SYN3: variants seen among roughly 807,000 people sequenced by gnomAD.
SYN3 encodes the protein synapsin-3.
Under a neutral mutation model 65.8 loss-of-function variants are expected in SYN3, and 35 were observed. That is an observed-to-expected ratio of 0.53 (90% CI 0.41 to 0.70). The LOEUF (loss-of-function observed/expected upper bound fraction) is 0.70, where lower values mean the gene tolerates loss of function less well. Among genes scored for constraint, SYN3 ranks in the 30% least tolerant of loss-of-function variants. SYN3 has a pLI of 0.00. For missense variants in SYN3, 680 were observed against 749.0 expected (o/e 0.91, Z 1.08); for synonymous variants, 270 against 292.9 (o/e 0.92, Z 0.80).
At chr22:32,806,271 G>A (rs766840684) in intron 6 of SYN3, among the ~76,000 whole-genome samples, 1 of 152,120 alleles carries the variant, frequency 6.6e-6, no homozygotes, top group Non-Finnish European at 1.5e-5. Context: ...CACAGTCCCT[G>A]GATAGATAAG....
At chr22:33,040,827 A>G (rs2053950713) in intron 1 of SYN3, among the ~76,000 whole-genome samples, 1 of 152,008 alleles carries the variant, frequency 6.6e-6, no homozygotes, top group African/African-American at 2.4e-5. Context: ...TTGCCCTTCC[A>G]CCATGATTGT....
chr22:32,781,667 A>ATAT (rs747351725), intron 6 of SYN3, among the ~76,000 whole-genome samples: 132 of 150,656 alleles, frequency 8.8e-4, no homozygotes, highest in Non-Finnish European at 1.6e-3. Context: ...GTGTTTGCTA[A>ATAT]TATTATTATT....
intron 7 of SYN3, among the ~76,000 whole-genome samples, chr22:32,555,163 G>GA (rs1390158306): frequency 2.0e-5 from 3 of 152,060 alleles, no homozygotes; most frequent in Non-Finnish European, 4.4e-5. Flanking sequence ...CTAGGCCGAG[G>GA]AAAAAAGGAG....
chr22:32,610,881 C>A (rs1166828793), intron 6 of SYN3, among the ~76,000 whole-genome samples: 1 of 152,210 alleles, frequency 6.6e-6, no homozygotes, highest in Non-Finnish European at 1.5e-5. Context: ...TGCGTCCAGC[C>A]ACTTTGTTTT....
chr22:32,602,672 G>C (rs2059302341), intron 6 of SYN3, among the ~76,000 whole-genome samples: 1 of 152,170 alleles, frequency 6.6e-6, no homozygotes, highest in Non-Finnish European at 1.5e-5. Context: ...ATGTTGGCCA[G>C]GATGGTCTTC....
chr22:32,992,904 C>T (rs1020311958), intron 2 of SYN3, among the ~76,000 whole-genome samples: 1 of 152,160 alleles, frequency 6.6e-6, no homozygotes, highest in Non-Finnish European at 1.5e-5. Flanking sequence ...CTCCGTGTGG[C>T]CTGTCCTGTA....
chr22:32,969,901 G>A (rs978438722), intron 3 of SYN3, among the ~76,000 whole-genome samples: 1 of 152,160 alleles, frequency 6.6e-6, no homozygotes, highest in African/African-American at 2.4e-5. Flanking sequence ...GTATATCAAT[G>A]GGAACTATGA....
At chr22:32,820,032 G>A (rs1001637914) in intron 6 of SYN3, among the ~76,000 whole-genome samples, 3 of 152,058 alleles carry the variant, frequency 2.0e-5, no homozygotes, top group South Asian at 2.1e-4. Context: ...GGATTTTTTG[G>A]TGTGGGGGGT....
At chr22:32,778,582 G>A (rs2045962064) in intron 6 of SYN3, among the ~76,000 whole-genome samples, 1 of 152,052 alleles carries the variant, frequency 6.6e-6, no homozygotes, top group Non-Finnish European at 1.5e-5. Context: ...GTGAGCCACC[G>A]CACCCGGCCA....
At chr22:32,970,865 A>G (rs114488840) in intron 3 of SYN3, among the ~76,000 whole-genome samples, 2,452 of 152,350 alleles carry the variant, frequency 0.016, 61 homozygotes, top group African/African-American at 0.054. Flanking sequence ...GTAAAGACAA[A>G]TTCATGACCA....
At chr22:32,641,556 C>T (rs2059900057) in intron 6 of SYN3, among the ~76,000 whole-genome samples, 1 of 138,662 alleles carries the variant, frequency 7.2e-6, no homozygotes, top group Non-Finnish European at 1.5e-5. Context: ...TGCAGTGAGC[C>T]GAGATGGTGC....
At chr22:32,663,610 T>G (rs1156436593) in intron 6 of SYN3, among the ~76,000 whole-genome samples, 1 of 152,202 alleles carries the variant, frequency 6.6e-6, no homozygotes, top group African/African-American at 2.4e-5. Flanking sequence ...AACCTCTTTT[T>G]CTTTATAAGT....
chr22:32,961,951 G>A (rs1475538691), intron 3 of SYN3, among the ~76,000 whole-genome samples: 1 of 152,058 alleles, frequency 6.6e-6, no homozygotes, highest in Non-Finnish European at 1.5e-5. Context: ...CAGGTAACAG[G>A]AGGCAAAGCC....
chr22:32,589,048 T>C (rs1439335159), intron 7 of SYN3, among the ~76,000 whole-genome samples: 1 of 152,194 alleles, frequency 6.6e-6, no homozygotes, highest in Admixed American at 6.5e-5. Context: ...GGTATAAATA[T>C]GACTGAAACA....
chr22:32,591,484 G>C (rs1349938919), intron 7 of SYN3, among the ~76,000 whole-genome samples: 1 of 152,164 alleles, frequency 6.6e-6, no homozygotes, highest in East Asian at 1.9e-4. Flanking sequence ...CCAAATTTAT[G>C]ACTCTAAGAA....
chr22:33,026,053 G>T (rs1475619038), intron 1 of SYN3, among the ~76,000 whole-genome samples: 1 of 152,206 alleles, frequency 6.6e-6, no homozygotes, highest in African/African-American at 2.4e-5. Flanking sequence ...GACTCAAGCT[G>T]CACCTTAGAG....
chr22:32,990,395 T>TCCACCCATCCAGCCAG (rs771650443), intron 2 of SYN3, among the ~76,000 whole-genome samples: 11 of 102,166 alleles, frequency 1.1e-4, no homozygotes, highest in African/African-American at 3.7e-4. Context: ...CACCCATCCA[T>TCCACCCATCCAGCCAG]CCATCCATCC....
intron 6 of SYN3, among the ~76,000 whole-genome samples, chr22:32,695,032 C>T (rs574995211): frequency 2.6e-5 from 4 of 152,110 alleles, no homozygotes; most frequent in East Asian, 1.9e-4. Context: ...GAACATTCTC[C>T]GTCAAAGTTC....
chr22:32,742,277 A>G (rs541179891), intron 6 of SYN3, among the ~76,000 whole-genome samples: 2 of 146,658 alleles, frequency 1.4e-5, no homozygotes, highest in East Asian at 3.9e-4. Context: ...CTCAAAGTAA[A>G]TAAATAAATA....
Sources: allele counts gnomAD v4.1 joint callset (sites outside exome capture counted in the v4.1 genomes callset), GRCh38; gene constraint gnomAD v4.1.1; transcripts MANE v1.5; gene names NCBI Gene and HGNC (gene_info 2026-07-23, HGNC 2026-07-21).